The following PM20D1 variants were observed in gnomAD, a reference collection of about 807,000 sequenced individuals.
PM20D1 encodes peptidase M20 domain containing 1.
Under a neutral mutation model 53.8 loss-of-function variants are expected in PM20D1, and 53 were observed. The ratio of observed to expected loss-of-function variants is 0.98; its 90% CI spans 0.79 to 1.24. The LOEUF (loss-of-function observed/expected upper bound fraction) is 1.24. Among genes scored for constraint, PM20D1 ranks in the 50% most tolerant of loss-of-function variants. PM20D1 has a pLI of 0.00. For missense variants in PM20D1, 564 were observed against 616.8 expected, an observed-to-expected ratio of 0.91 and a Z score of 0.91; for synonymous variants, 239 against 241.3, an observed-to-expected ratio of 0.99 and a Z score of 0.09.
At chr1:205,830,154 C>A in intron 12 of PM20D1, 126 bp downstream of exon 12, 1 of 683,386 alleles carries the variant, frequency 1.5e-6, no homozygotes, top group Non-Finnish European at 2.6e-6. Context: ...ACAATGTCTC[C>A]ATTTCATTTT....
At chr1:205,844,310 C>T in intron 4 of PM20D1, 93 bp from the exon 5 acceptor site, 4 of 1,378,678 alleles carry the variant, frequency 2.9e-6, no homozygotes, top group South Asian at 4.0e-5. Flanking sequence ...TAGCTAGGGG[C>T]TCCAGAACCT....
intron 10 of PM20D1, among the ~76,000 whole-genome samples, chr1:205,833,613 C>G (rs1169409859): frequency 1.3e-5 from 2 of 152,104 alleles, no homozygotes; most frequent in African/African-American, 4.8e-5. Context: ...TAGAGTGAAT[C>G]CAGAAAAATT....
intron 11 of PM20D1, 46 bp downstream of exon 11, chr1:205,832,552 G>C: frequency 6.2e-7 from 1 of 1,602,526 alleles, no homozygotes; most frequent in Middle Eastern, 1.9e-4. Context: ...ATAGGAAACA[G>C]TTCCAGCCCC....
chr1:205,836,345 G>T (rs1482001839), intron 10 of PM20D1, among the ~76,000 whole-genome samples: 1 of 152,240 alleles, frequency 6.6e-6, no homozygotes, highest in Non-Finnish European at 1.5e-5. Flanking sequence ...CTGTCCTGCT[G>T]TAAGGCTGCT....
chr1:205,841,880 C>T lies in PM20D1; in HGVS notation c.975G>A (p.Glu325=), dbSNP rs769157876. 1 of 1,560,420 alleles carries T rather than the reference C, an allele frequency of 6.4e-7. No homozygotes were observed. ...TTATTGCATTGGTTAAGGGATTTCT[C>T]TCCATAAACCTAAAACAAAAGGACC... ...LFEPLISRFM[E]RNPLTNAIIR... Residue 325 remains glutamate, a synonymous_variant, in exon 9 of 13, where the codon GAG becomes GAA. Coordinates refer to ENST00000367136, the MANE Select transcript of PM20D1 (RefSeq NM_152491.5).
intron 8 of PM20D1, 55 bp from the exon 9 acceptor site, chr1:205,841,944 A>G: frequency 6.7e-7 from 1 of 1,487,842 alleles, no homozygotes; most frequent in South Asian, 1.2e-5. Context: ...GGTGAAGGAA[A>G]GGGCGGAAAC....
Position 205,828,778 on chromosome 1 carries a change from G to A in PM20D1, c.1386-35C>T, listed in dbSNP as rs1274411487. On this transcript the variant is annotated intron_variant, in intron 12 of 12. Coordinates refer to ENST00000367136, the MANE Select transcript of PM20D1 (RefSeq NM_152491.5). ...GTAAGGTGCATTTAGGGAAGGAGGG[G>A]AGGGCCAAGTGCCACAGCACAAGTG... The A allele has an allele frequency of 3.1e-6, 5 of 1,611,982 alleles. No homozygotes were observed. In the African/African-American group the frequency reaches 6.7e-5, roughly 22 times the overall value.
Position 205,828,737 on chromosome 1 carries a change from A to C in PM20D1, c.1392T>G (p.His464Gln), listed in dbSNP as rs1488244793. 1 of 1,613,942 alleles carries C rather than the reference A, an allele frequency of 6.2e-7. No individual in the cohort carries two copies. The highest frequency in any genetic ancestry group is 8.5e-7 in the Non-Finnish European group (1 of 1,179,924). ...GGACTGAGATTTTCTCGTTGACTCCATGGATGCTGAGGAAAGTAAGGTGCA... is the reference window on the plus strand; with the variant it reads ...GGACTGAGATTTTCTCGTTGACTCCCTGGATGCTGAGGAAAGTAAGGTGCA... ...YIQPEDFKRI[H>Q]GVNEKISVQA... The change falls in exon 13 of 13, where the codon CAT (histidine) becomes CAG (glutamine). Residue 464 changes from histidine (H) to glutamine (Q), a missense_variant. Coordinates refer to ENST00000367136, the MANE Select transcript of PM20D1 (RefSeq NM_152491.5).
intron 11 of PM20D1, among the ~76,000 whole-genome samples, chr1:205,831,914 A>G (rs1473750155): frequency 2.6e-5 from 4 of 152,158 alleles, no homozygotes; most frequent in African/African-American, 9.7e-5. Context: ...TTCTCAAACT[A>G]TAGTTAGTCA....
rs752874170 is a variant in PM20D1 at position 205,840,308 on chromosome 1, G to C, written c.1060C>G (p.Pro354Ala). ...KAGVKFNVIPPVAQATVNFRI... is the reference protein window; with the variant it reads ...KAGVKFNVIPAVAQATVNFRI... ...AAGTTGACTGTGGCCTGGGCCACTGGGGGGATGACATTGAACTAGAGAGAG... is the reference window on the plus strand; with the variant it reads ...AAGTTGACTGTGGCCTGGGCCACTGCGGGGATGACATTGAACTAGAGAGAG... Residue 354 changes from proline to alanine, a missense_variant, in exon 10 of 13, where the codon CCA (proline) becomes GCA (alanine). Coordinates refer to ENST00000367136, the MANE Select transcript of PM20D1 (RefSeq NM_152491.5). 4 of 1,613,928 alleles carry C rather than the reference G, an allele frequency of 2.5e-6. No individual in the cohort carries two copies. The highest frequency in any genetic ancestry group is 2.2e-5 in the East Asian group (1 of 44,870).
At chr1:205,834,156 C>CTTT (rs34037383) in intron 10 of PM20D1, among the ~76,000 whole-genome samples, 14 of 126,580 alleles carry the variant, frequency 1.1e-4, no homozygotes, top group African/African-American at 4.2e-4. Flanking sequence ...CCAAGAGTAC[C>CTTT]TTTTTTTTTT....
At chr1:205,840,567 C>T (rs1656783933) in intron 9 of PM20D1, among the ~76,000 whole-genome samples, 1 of 152,196 alleles carries the variant, frequency 6.6e-6, no homozygotes. Flanking sequence ...CAGGGGGTCA[C>T]AGAGATGTTC....
At chr1:205,828,910 C>A (rs1219540813) in intron 12 of PM20D1, among the ~76,000 whole-genome samples, 167 bp from the exon 13 acceptor site, 1 of 152,234 alleles carries the variant, frequency 6.6e-6, no homozygotes, top group Non-Finnish European at 1.5e-5. Flanking sequence ...ATTTCGGATG[C>A]ACATTGGTCG....
chr1:205,838,857 A>G (rs561634543), intron 10 of PM20D1, among the ~76,000 whole-genome samples: 66 of 152,254 alleles, frequency 4.3e-4, no homozygotes, highest in South Asian at 6.2e-4. Flanking sequence ...CTCCATACCC[A>G]TATACATACC....
chr1:205,847,927 T>C lies in PM20D1; in HGVS notation c.214A>G (p.Asn72Asp). 1.2e-6 allele frequency: 2 copies of C among 1,600,308 alleles called. No homozygotes were observed. Among genetic ancestry groups the C allele is most frequent in the South Asian group, 1.1e-5 (1 of 88,680 alleles). ...PTVTFSSEKSNTTALAEFGKY... is the reference protein window; with the variant it reads ...PTVTFSSEKSDTTALAEFGKY... ...CCGAACTCAGCCAGGGCTGTAGTAT[T>C]GGACTTCTCAGAGCTAAAAGTCACT... Residue 72 changes from asparagine (N) to aspartate (D), a missense_variant, in exon 2 of 13, where the codon AAT (asparagine) becomes GAT (aspartate). Physicochemically the swap from Asn to Asp is conservative, Grantham distance 23. Transcript: ENST00000367136.
rs775365130 is a variant in PM20D1, at chr1:205,842,687, G to A, written c.892C>T (p.Leu298=). 1.2e-6 allele frequency: 2 copies of A among 1,613,866 alleles called. No homozygotes were observed. The highest frequency in any genetic ancestry group is 2.7e-5 in the African/African-American group (2 of 74,928). The change falls in exon 7 of 13, where the codon CTG becomes TTG. Residue 298 remains leucine (L), a synonymous_variant. Coordinates refer to ENST00000367136, the MANE Select transcript of PM20D1 (RefSeq NM_152491.5). ...ACTTCTTCCCATACCTCATTTGCCA[G>A]TTGCTGCAATACAGTCACCACTGTC... ...SGTVVTVLQQ[L]ANEFPFPVNI... is the part of the protein sequence containing the mutation.
intron 10 of PM20D1, among the ~76,000 whole-genome samples, chr1:205,834,882 GCAGGGACTGTGTCTATCT>G (rs1656646614): frequency 6.6e-6 from 1 of 152,098 alleles, no homozygotes; most frequent in African/African-American, 2.4e-5. Flanking sequence ...TGACTCAAGG[GCAGGGACTGTGTCTATCT>G]CATTTCCGCA....
At position 205,831,348 on chromosome 1, in the gene PM20D1, C is replaced by T. The variant is rs1656556300; in HGVS notation, c.1286-969G>A. ...CTATCTTTTTTCTGCAAAAGCCTGG[C>T]CCCATTGGTGGATTACAGTAAGTGC... is the stretch of plus-strand genomic sequence containing the variant. On this transcript the variant is annotated intron_variant, in intron 11 of 12. Transcript: ENST00000367136. Among the ~76,000 whole-genome samples, 3 of 152,038 alleles carry T rather than the reference C, an allele frequency of 2.0e-5. No individual in the cohort carries two copies. The South Asian group carries it at 6.2e-4, about 32-fold the overall frequency.
chr1:205,829,313 G>C (rs1656508426), intron 12 of PM20D1, among the ~76,000 whole-genome samples: 1 of 152,154 alleles, frequency 6.6e-6, no homozygotes, highest in African/African-American at 2.4e-5. Context: ...ATAGGTGTGA[G>C]TCACCACACT....
Sources: allele counts gnomAD v4.1 joint callset (sites outside exome capture counted in the v4.1 genomes callset), GRCh38; gene constraint gnomAD v4.1.1; transcripts MANE v1.5; gene names NCBI Gene and HGNC (gene_info 2026-07-23, HGNC 2026-07-21).